The following ACSL5 variants were observed in gnomAD, a reference collection of about 807,000 sequenced individuals.
The protein encoded by ACSL5 is acyl-CoA synthetase long chain family member 5.
In ACSL5, 50 loss-of-function variants were observed where a neutral mutation model predicts 84.9. The observed-to-expected ratio is 0.59, with a 90% CI of 0.47 to 0.75. ACSL5 has a LOEUF of 0.75. Among genes scored for constraint, ACSL5 ranks in the 30% least tolerant of loss-of-function variants. The probability of loss-of-function intolerance (pLI) is 0.00; values close to 1 mark genes in which losing one functional copy is unlikely to be tolerated. For synonymous variants in ACSL5, 280 were observed against 300.7 expected (o/e 0.93, Z 0.71); for missense variants, 775 against 830.4 (o/e 0.93, Z 0.82).
At chr10:112,374,617 C>G (rs1470450204) in intron 1 of ACSL5, among the ~76,000 whole-genome samples, 2 of 152,138 alleles carry the variant, frequency 1.3e-5, no homozygotes, top group African/African-American at 4.8e-5. Context: ...TTAGAAGGAT[C>G]GTGCGTCAGC....
intron 17 of ACSL5, among the ~76,000 whole-genome samples, chr10:112,423,529 A>C (rs1453435453): frequency 6.6e-6 from 1 of 151,714 alleles, no homozygotes; most frequent in Non-Finnish European, 1.5e-5. Flanking sequence ...TTTTGATCAC[A>C]CTGTTACAGA....
chr10:112,386,711 A>C (rs575332838), intron 1 of ACSL5, among the ~76,000 whole-genome samples: 83 of 152,328 alleles, frequency 5.4e-4, no homozygotes, highest in African/African-American at 1.9e-3. Context: ...GGAACCTTGA[A>C]TATTTCAGGT....
chr10:112,389,015 C>G (rs1211362627), intron 1 of ACSL5, among the ~76,000 whole-genome samples: 1 of 151,888 alleles, frequency 6.6e-6, no homozygotes. Context: ...TGATTTTTAG[C>G]CAATAGGGAT....
chr10:112,409,397 CT>C, intron 6 of ACSL5, 109 bp from the exon 7 acceptor site: 1 of 908,926 alleles, frequency 1.1e-6, no homozygotes, highest in Non-Finnish European at 1.7e-6. Context: ...GTGTAATCTC[CT>C]TTGGACACCT....
chr10:112,408,973 G>T (rs1327389141), intron 6 of ACSL5: 1 of 165,482 alleles, frequency 6.0e-6, no homozygotes, highest in Non-Finnish European at 1.3e-5. Context: ...GTCCAAATTT[G>T]ATGGGCAAGT....
chr10:112,398,867 T>C (rs748682468), intron 2 of ACSL5, 34 bp from the exon 3 acceptor site: 1 of 1,582,002 alleles, frequency 6.3e-7, no homozygotes, highest in South Asian at 1.1e-5. Context: ...GAGGGGAGAC[T>C]TGAACTTGGC....
At chr10:112,401,705 A>G (rs181928182) in intron 3 of ACSL5, among the ~76,000 whole-genome samples, 80 of 152,308 alleles carry the variant, frequency 5.3e-4, no homozygotes, top group Admixed American at 1.2e-3. Context: ...TAGCATTTTT[A>G]TCAATCAAGA....
chr10:112,424,403 C>T (rs939468041), intron 17 of ACSL5: 4 of 152,188 alleles, frequency 2.6e-5, no homozygotes, highest in Admixed American at 6.6e-5. Context: ...GAATGCTTGA[C>T]AATGTAACTT....
chr10:112,379,605 T>C (rs1337520517), intron 1 of ACSL5, among the ~76,000 whole-genome samples: 1 of 152,192 alleles, frequency 6.6e-6, no homozygotes, highest in Admixed American at 6.5e-5. Flanking sequence ...GGACTTCCCA[T>C]GTGCCTGACA....
At chr10:112,411,847 T>C (rs1844186804) in intron 10 of ACSL5, 55 bp from the exon 11 acceptor site, 2 of 1,504,498 alleles carry the variant, frequency 1.3e-6, no homozygotes, top group Non-Finnish European at 1.9e-6. Flanking sequence ...TCCATTGGAA[T>C]TGAAAGTTGG....
intron 3 of ACSL5, among the ~76,000 whole-genome samples, chr10:112,404,291 T>C (rs762794363): frequency 1.2e-4 from 18 of 152,322 alleles, no homozygotes; most frequent in Non-Finnish European, 2.5e-4. Context: ...CACTCCTGTT[T>C]TGTGTAGCAT....
chr10:112,379,162 T>C (rs560093708), intron 1 of ACSL5, among the ~76,000 whole-genome samples: 22 of 152,094 alleles, frequency 1.4e-4, no homozygotes, highest in Non-Finnish European at 2.1e-4. Context: ...CCCAACACTT[T>C]GGGAGGCCGA....
intron 3 of ACSL5, among the ~76,000 whole-genome samples, chr10:112,401,759 C>CCTTT (rs981334990): frequency 3.3e-5 from 5 of 151,772 alleles, no homozygotes; most frequent in African/African-American, 7.3e-5. Flanking sequence ...CTCTCTCTCT[C>CCTTT]CTTTCTTTCT....
intron 5 of ACSL5, among the ~76,000 whole-genome samples, chr10:112,406,948 A>G (rs993502239): frequency 1.2e-4 from 19 of 152,296 alleles, no homozygotes; most frequent in African/African-American, 4.1e-4. Context: ...GAGGAGGTTT[A>G]ATTGGACTTA....
chr10:112,374,481 C>T, intron 1 of ACSL5, among the ~76,000 whole-genome samples: 1 of 152,238 alleles, frequency 6.6e-6, no homozygotes, highest in East Asian at 1.9e-4. Flanking sequence ...GATATATGAG[C>T]TATCCAAATG....
In ACSL5 at chr10:112,395,204, G is replaced by A. The variant is rs545570847; in HGVS notation, c.156+102G>A. On this transcript the variant is annotated intron_variant, in intron 2 of 20. Coordinates refer to ENST00000354655, the MANE Select transcript of ACSL5 (RefSeq NM_203379.2). ...ATGAAGGGGATTGGGTGCAGCATGGGAAAGTAAAGCTTTCATGTTACCAAT... is the reference window on the plus strand; with the variant it reads ...ATGAAGGGGATTGGGTGCAGCATGGAAAAGTAAAGCTTTCATGTTACCAAT... The A allele has an allele frequency of 5.2e-6, 6 of 1,162,174 alleles. No homozygotes were observed. The East Asian group carries it at 1.2e-4, about 24-fold the overall frequency. 72.0% of individuals were successfully genotyped at this position (1,162,174 alleles called of 1,614,324 possible).
chr10:112,397,478 C>A (rs1843774961), intron 2 of ACSL5, among the ~76,000 whole-genome samples: 1 of 152,108 alleles, frequency 6.6e-6, no homozygotes, highest in African/African-American at 2.4e-5. Flanking sequence ...CCAGCTAACC[C>A]CCTTTTTCTT....
At chr10:112,381,826 G>A (rs1005002236) in intron 1 of ACSL5, among the ~76,000 whole-genome samples, 15 of 151,964 alleles carry the variant, frequency 9.9e-5, no homozygotes, top group African/African-American at 1.2e-4. Context: ...AATTAGCTGG[G>A]CGTGGTGGCA....
intron 1 of ACSL5, among the ~76,000 whole-genome samples, chr10:112,383,068 A>G (rs1849382106): frequency 1.3e-5 from 2 of 152,220 alleles, no homozygotes; most frequent in African/African-American, 4.8e-5. Flanking sequence ...CAGGAGTTCA[A>G]GCCCAGGCTG....
Sources: allele counts gnomAD v4.1 joint callset (sites outside exome capture counted in the v4.1 genomes callset), GRCh38; gene constraint gnomAD v4.1.1; transcripts MANE v1.5; gene names NCBI Gene and HGNC (gene_info 2026-07-23, HGNC 2026-07-21).